The following FAF1 variants were observed in gnomAD, a reference collection of about 807,000 sequenced individuals.
FAF1 encodes the protein Fas associated factor 1, also known as FAS-associated factor 1.
FAF1 carries 25 observed loss-of-function variants against 92.5 expected under a neutral mutation model. The ratio of observed to expected loss-of-function variants is 0.27; its 90% confidence interval spans 0.20 to 0.38. The LOEUF is 0.38. FAF1 is among the 10% of genes least tolerant of loss of function. The probability of loss-of-function intolerance (pLI) is 1.00; values close to 1 mark genes in which losing one functional copy is unlikely to be tolerated. For missense variants in FAF1, 636 were observed against 793.3 expected, an observed-to-expected ratio of 0.80 and a Z score of 2.38; for synonymous variants, 234 against 273.2, an observed-to-expected ratio of 0.86 and a Z score of 1.42.
intron 15 of FAF1, among the ~76,000 whole-genome samples, chr1:50,497,666 A>G (rs1357054949): frequency 6.9e-6 from 1 of 145,382 alleles, no homozygotes; most frequent in Non-Finnish European, 1.5e-5. Flanking sequence ...TCTCTGCCTC[A>G]GTCTCTGGAG....
At chr1:50,759,584 C>T (rs1400805473) in intron 4 of FAF1, among the ~76,000 whole-genome samples, 4 of 151,984 alleles carry the variant, frequency 2.6e-5, no homozygotes, top group Admixed American at 6.6e-5. Context: ...CAAGTCTTTG[C>T]TATTGTGAAT....
intron 8 of FAF1, among the ~76,000 whole-genome samples, chr1:50,650,967 A>G (rs1321161560): frequency 1.3e-5 from 2 of 152,136 alleles, no homozygotes; most frequent in Non-Finnish European, 2.9e-5. Flanking sequence ...AGTATCCCAC[A>G]CCCTATTCGA....
At chr1:50,952,636 C>T (rs1223448550) in intron 1 of FAF1, among the ~76,000 whole-genome samples, 3 of 151,942 alleles carry the variant, frequency 2.0e-5, no homozygotes, top group Admixed American at 6.6e-5. Context: ...CGCCTCTTCC[C>T]GGCCGCCATC....
At chr1:50,712,730 T>C (rs1341817485) in intron 6 of FAF1, among the ~76,000 whole-genome samples, 2 of 152,166 alleles carry the variant, frequency 1.3e-5, no homozygotes, top group Non-Finnish European at 2.9e-5. Flanking sequence ...CTAGGCAAAC[T>C]GATCCTAGCT....
chr1:50,613,182 C>T (rs1307701703), intron 8 of FAF1, among the ~76,000 whole-genome samples: 1 of 152,104 alleles, frequency 6.6e-6, no homozygotes, highest in African/African-American at 2.4e-5. Context: ...GAAACCACTC[C>T]AAAGTGAGAT....
At chr1:50,502,968 T>C (rs2149017128) in intron 15 of FAF1, among the ~76,000 whole-genome samples, 1 of 152,024 alleles carries the variant, frequency 6.6e-6, no homozygotes, top group East Asian at 1.9e-4. Flanking sequence ...GGATTACAGG[T>C]GTGCACCACC....
chr1:50,953,257 G>T (rs949088311), intron 1 of FAF1, among the ~76,000 whole-genome samples: 1 of 152,052 alleles, frequency 6.6e-6, no homozygotes, highest in African/African-American at 2.4e-5. Context: ...AAACACTGCG[G>T]AAGGCCCCAG....
chr1:50,524,874 T>C (rs1647709286), intron 15 of FAF1, among the ~76,000 whole-genome samples: 2 of 152,112 alleles, frequency 1.3e-5, no homozygotes, highest in Non-Finnish European at 1.5e-5. Flanking sequence ...TCAGGCTCTT[T>C]TTTTTGGTCC....
chr1:50,874,134 T>G (rs1213864623), intron 1 of FAF1, among the ~76,000 whole-genome samples: 2 of 152,186 alleles, frequency 1.3e-5, no homozygotes, highest in Non-Finnish European at 2.9e-5. Flanking sequence ...CTATTTTTGC[T>G]TTCTAGCTTG....
intron 6 of FAF1, among the ~76,000 whole-genome samples, chr1:50,707,693 C>CA (rs917013033): frequency 7.2e-6 from 1 of 138,312 alleles, no homozygotes; most frequent in African/African-American, 2.7e-5. Context: ...GACGCTGTCC[C>CA]AAAAAAAAGA....
chr1:50,853,763 A>G (rs1263780435), intron 2 of FAF1, among the ~76,000 whole-genome samples: 2 of 152,054 alleles, frequency 1.3e-5, no homozygotes, highest in Non-Finnish European at 2.9e-5. Context: ...CGTGTGTAAA[A>G]TAAGTGGCAG....
intron 8 of FAF1, chr1:50,612,335 A>G (rs1652720650): frequency 8.1e-7 from 1 of 1,239,404 alleles, no homozygotes; most frequent in African/African-American, 1.6e-5. Flanking sequence ...TTTTACCTCA[A>G]GCAGATTCCT....
chr1:50,883,953 C>T (rs1196311881), intron 1 of FAF1, among the ~76,000 whole-genome samples: 2 of 151,298 alleles, frequency 1.3e-5, no homozygotes, highest in Non-Finnish European at 2.9e-5. Flanking sequence ...GGAGAAACCC[C>T]GTCTCTACTA....
At chr1:50,540,867 G>A (rs1331676344) in intron 13 of FAF1, among the ~76,000 whole-genome samples, 1 of 152,094 alleles carries the variant, frequency 6.6e-6, no homozygotes, top group African/African-American at 2.4e-5. Flanking sequence ...GAAATTCTGG[G>A]GACTAGCCAC....
intron 7 of FAF1, among the ~76,000 whole-genome samples, chr1:50,687,197 AT>A (rs1162545948): frequency 6.6e-6 from 1 of 152,146 alleles, no homozygotes; most frequent in Non-Finnish European, 1.5e-5. Flanking sequence ...CCTTTTCGGA[AT>A]AATTTTTTAT....
At chr1:50,868,825 T>A (rs1377308180) in intron 1 of FAF1, among the ~76,000 whole-genome samples, 1 of 152,212 alleles carries the variant, frequency 6.6e-6, no homozygotes, top group Non-Finnish European at 1.5e-5. Context: ...CCCAATAATC[T>A]GTATTGCTAA....
chr1:50,784,321 T>C (rs150687277), intron 4 of FAF1, among the ~76,000 whole-genome samples: 61 of 151,964 alleles, frequency 4.0e-4, no homozygotes, highest in African/African-American at 1.4e-3. Context: ...TTAGAACTAA[T>C]AAATAATACA....
intron 6 of FAF1, among the ~76,000 whole-genome samples, chr1:50,721,559 A>G (rs1468019451): frequency 6.6e-6 from 1 of 152,074 alleles, no homozygotes; most frequent in African/African-American, 2.4e-5. Context: ...ACTTACATAT[A>G]TAAAGTTTTC....
chr1:50,712,037 A>G (rs1261821556), intron 6 of FAF1, among the ~76,000 whole-genome samples: 1 of 152,228 alleles, frequency 6.6e-6, no homozygotes, highest in Admixed American at 6.5e-5. Context: ...TTACTATCAT[A>G]CAAAAAAGGT....
Sources: gnomAD v4.1 joint callset for allele counts (sites outside exome capture counted in the v4.1 genomes callset) on GRCh38, gnomAD v4.1.1 for gene constraint, MANE v1.5 for transcripts, NCBI Gene and HGNC (gene_info 2026-07-23, HGNC 2026-07-21) for gene names.